The following CSMD1 variants were observed in gnomAD, a reference collection of about 807,000 sequenced individuals.
CSMD1 encodes CUB and sushi domain-containing protein 1.
A neutral mutation model predicts 417.5 loss-of-function variants in CSMD1; 213 were observed. That is an observed-to-expected ratio of 0.51 (90% CI 0.46 to 0.57). CSMD1 has a LOEUF of 0.57. CSMD1 is among the 20% of genes least tolerant of loss of function. CSMD1 has a pLI of 0.00. For synonymous variants in CSMD1, 2,862 were observed against 1,736.8 expected, an observed-to-expected ratio of 1.65 and a Z score of -16.11; for missense variants, 6,923 against 4,529.7, an observed-to-expected ratio of 1.53 and a Z score of -15.17.
rs374264247 is a variant in CSMD1 at position 4,112,853 on chromosome 8, C to T, written c.416-80754G>A. Among the ~76,000 whole-genome samples the T allele has an allele frequency of 2.1e-3, 318 of 152,206 alleles. 2 individuals carry two copies. Among genetic ancestry groups the T allele is most frequent in the African/African-American group, 7.2e-3 (300 of 41,532 alleles). Reference sequence around the variant, plus strand: ...ACTGTATTGCACTTTGCTGATATTGCGTTTTTAAAAATTGAAGGCTTGTAC... The same window carrying T: ...ACTGTATTGCACTTTGCTGATATTGTGTTTTTAAAAATTGAAGGCTTGTAC... On this transcript the variant is annotated intron_variant, in intron 3 of 69. Transcript: ENST00000635120.
intron 1 of CSMD1, among the ~76,000 whole-genome samples, chr8:4,986,836 A>G (rs2117458179): frequency 6.6e-6 from 1 of 152,336 alleles, no homozygotes; most frequent in East Asian, 1.9e-4. Flanking sequence ...TATATTCTTC[A>G]TGAAATCAGT....
intron 10 of CSMD1, among the ~76,000 whole-genome samples, chr8:3,557,064 T>C (rs940737043): frequency 2.6e-5 from 4 of 152,186 alleles, no homozygotes; most frequent in African/African-American, 9.7e-5. Context: ...AAACACAGAA[T>C]GGCAAGTGCA....
In CSMD1 at chr8:4,091,544, G is replaced by A. The variant is rs1585294787; in HGVS notation, c.416-59445C>T. Among the ~76,000 whole-genome samples the A allele has an allele frequency of 4.6e-5, 7 of 152,270 alleles. No individual in the cohort carries two copies. In the South Asian group the frequency reaches 1.5e-3, roughly 32 times the overall value. ...TATGTTAAAGCTGGCACTCAGCAAT[G>A]CAAACGTGGCCACCGCTCCTTTCTA... is the stretch of plus-strand genomic sequence containing the variant. On this transcript the variant is annotated intron_variant, in intron 3 of 69. Transcript: ENST00000635120.
chr8:3,803,181 C>T (rs1350520039), intron 5 of CSMD1, among the ~76,000 whole-genome samples: 2 of 152,104 alleles, frequency 1.3e-5, no homozygotes, highest in African/African-American at 4.8e-5. Flanking sequence ...AATATAAAAT[C>T]ATTCATTTGT....
intron 12 of CSMD1, among the ~76,000 whole-genome samples, chr8:3,415,619 C>G (rs561410726): frequency 5.9e-5 from 9 of 152,308 alleles, no homozygotes; most frequent in Non-Finnish European, 1.2e-4. Flanking sequence ...TCTAGCCTCC[C>G]AACAGGCTGC....
At chr8:4,212,469 C>G (rs1036306179) in intron 3 of CSMD1, among the ~76,000 whole-genome samples, 6 of 151,962 alleles carry the variant, frequency 3.9e-5, no homozygotes, top group Non-Finnish European at 2.9e-5. Flanking sequence ...AACATTTGTC[C>G]TTTCAGACTG....
At chr8:4,411,965 A>G (rs1405210878) in intron 3 of CSMD1, among the ~76,000 whole-genome samples, 3 of 150,128 alleles carry the variant, frequency 2.0e-5, no homozygotes, top group African/African-American at 4.9e-5. Flanking sequence ...TTTTTGATGA[A>G]AAGTACACAG....
chr8:4,364,498 G>A (rs573625091), intron 3 of CSMD1, among the ~76,000 whole-genome samples: 3 of 152,038 alleles, frequency 2.0e-5, no homozygotes, highest in African/African-American at 7.2e-5. Context: ...CTTTCTAGAA[G>A]ACTCTACATT....
At chr8:3,324,951 T>A (rs529457215) in intron 23 of CSMD1, among the ~76,000 whole-genome samples, 6 of 152,196 alleles carry the variant, frequency 3.9e-5, no homozygotes, top group Non-Finnish European at 7.3e-5. Context: ...CATATCAGTG[T>A]TTTCTGAAAT....
chr8:4,773,083 A>AT (rs890309150), intron 1 of CSMD1, among the ~76,000 whole-genome samples: 3 of 152,064 alleles, frequency 2.0e-5, no homozygotes, highest in Non-Finnish European at 4.4e-5. Context: ...CAGATTTCAG[A>AT]TTTTTTTCAG....
intron 25 of CSMD1, among the ~76,000 whole-genome samples, chr8:3,286,143 A>G (rs1803137793): frequency 6.6e-6 from 1 of 152,120 alleles, no homozygotes. Context: ...ATGTCCCTAC[A>G]AAGGACATGA....
In CSMD1 at chr8:3,782,563, C is replaced by T. The variant is rs1046367260; in HGVS notation, c.819-28521G>A. On this transcript the variant is annotated intron_variant, in intron 5 of 69. Coordinates refer to ENST00000635120, the MANE Select transcript of CSMD1 (RefSeq NM_033225.6). ...CTAAGGTAAATGATGAGTTGATGGG[C>T]GCAGCAAACCAACATGGCACATGTA... Among the ~76,000 whole-genome samples, 7 of 152,046 alleles carry T rather than the reference C, an allele frequency of 4.6e-5. 1 individual carries two copies. The highest frequency in any genetic ancestry group is 1.3e-4 in the Admixed American group (2 of 15,268).
chr8:4,196,967 G>A (rs762685148), intron 3 of CSMD1, among the ~76,000 whole-genome samples: 2 of 152,098 alleles, frequency 1.3e-5, no homozygotes, highest in Non-Finnish European at 2.9e-5. Context: ...AGTCATTTGA[G>A]CCTCACCGCC....
chr8:4,942,185 G>A (rs557607467), intron 1 of CSMD1, among the ~76,000 whole-genome samples: 2 of 151,806 alleles, frequency 1.3e-5, no homozygotes, highest in African/African-American at 4.8e-5. Flanking sequence ...ATCCACTTTT[G>A]CTTCCTTCCC....
At chr8:4,680,771 G>C (rs1268306283) in intron 1 of CSMD1, among the ~76,000 whole-genome samples, 3 of 151,992 alleles carry the variant, frequency 2.0e-5, no homozygotes, top group African/African-American at 4.8e-5. Context: ...GTAGAGACGA[G>C]GTTTCACCAT....
chr8:4,531,685 C>G (rs1261475764), intron 2 of CSMD1, among the ~76,000 whole-genome samples: 3 of 152,128 alleles, frequency 2.0e-5, no homozygotes, highest in Non-Finnish European at 4.4e-5. Flanking sequence ...AGAATCAGCA[C>G]TTCTTTTAAA....
At chr8:3,414,770 G>A (rs1813022731) in intron 12 of CSMD1, among the ~76,000 whole-genome samples, 1 of 152,104 alleles carries the variant, frequency 6.6e-6, no homozygotes, top group Admixed American at 6.5e-5. Context: ...GTGCCTGAGG[G>A]TGTCTCCCCT....
intron 1 of CSMD1, among the ~76,000 whole-genome samples, chr8:4,873,641 A>G (rs933720703): frequency 1.3e-5 from 2 of 152,112 alleles, no homozygotes; most frequent in African/African-American, 4.8e-5. Flanking sequence ...TCATTCCTCC[A>G]TTCAACTTTC....
chr8:3,554,967 C>G (rs929107043), intron 10 of CSMD1, among the ~76,000 whole-genome samples: 1 of 151,902 alleles, frequency 6.6e-6, no homozygotes, highest in Admixed American at 6.6e-5. Flanking sequence ...AGCCCAGACA[C>G]CTGGGCTCTT....
Sources: gnomAD v4.1 joint callset for allele counts (sites outside exome capture counted in the v4.1 genomes callset) on GRCh38, gnomAD v4.1.1 for gene constraint, MANE v1.5 for transcripts, NCBI Gene and HGNC (gene_info 2026-07-23, HGNC 2026-07-21) for gene names.